Variants in CUZD1 observed in about 807,000 individuals in gnomAD.
CUZD1 encodes CUB and zona pellucida-like domain-containing protein 1.
CUZD1 carries 42 observed loss-of-function variants against 53.1 expected under a neutral mutation model. The observed-to-expected ratio is 0.79, with a 90% CI of 0.62 to 1.02. The LOEUF is 1.02. CUZD1 is among the 50% of genes least tolerant of loss of function. The pLI is 0.00. For synonymous variants in CUZD1, 238 were observed against 257.2 expected (o/e 0.93, Z 0.71); for missense variants, 670 against 715.7 (o/e 0.94, Z 0.73).
chr10:122,836,217 T>C lies in CUZD1; in HGVS notation c.951A>G (p.Glu317=), dbSNP rs1847247825. The C allele has an allele frequency of 6.2e-7, 1 of 1,610,712 alleles. No individual in the cohort carries two copies. Among genetic ancestry groups the C allele is most frequent in the African/African-American group, 1.3e-5 (1 of 74,634 alleles). Residue 317 remains glutamate, a synonymous_variant, in exon 6 of 9, where the codon GAA becomes GAG. Transcript: ENST00000392790. ...TCRPKLSNVV[E]FSVPLNGCGT... ...CACATCCATTAAGAGGGACAGAAAA[T>C]TCCACAACATTTGATAATTTTGGTC...
In CUZD1 at chr10:122,836,884, T is replaced by C; in HGVS notation, c.764A>G (p.Tyr255Cys). The C allele has an allele frequency of 6.2e-7, 1 of 1,614,126 alleles. No individual in the cohort carries two copies. The highest frequency in any genetic ancestry group is 8.5e-7 in the Non-Finnish European group (1 of 1,179,988). ...VVLSTDYANSYRGFSASYTSI... is the reference protein window; with the variant it reads ...VVLSTDYANSCRGFSASYTSI... ...GGTGTAGGAAGCAGAAAATCCCCGG[T>C]AAGAATTGGCATAATCTGTAGACAA... Residue 255 changes from tyrosine (Y) to cysteine (C), a missense_variant, in exon 5 of 9, where the codon TAC becomes TGC. By Grantham distance (194) the Tyr-to-Cys change is radical. Transcript: ENST00000392790.
At chr10:122,845,695 T>C (rs1847427176) in intron 1 of CUZD1, 67 bp downstream of exon 1, 1 of 1,406,232 alleles carries the variant, frequency 7.1e-7, no homozygotes, top group Admixed American at 1.9e-5. Flanking sequence ...TTGAAAAATT[T>C]TGAAAGAGGC....
chr10:122,838,953 C>G lies in CUZD1; in HGVS notation c.448+64G>C. 8.0e-6 allele frequency: 10 copies of G among 1,251,048 alleles called. No homozygotes were observed. The South Asian group carries it at 1.1e-4, about 14-fold the overall frequency. 77.5% of individuals were successfully genotyped at this position (1,251,048 alleles called of 1,614,324 possible). A position where few individuals can be genotyped will look rare whatever the true frequency, so the allele number is the denominator to read the frequency against. Reference sequence around the variant, plus strand: ...AGACTGAAGATTATAAGAACCCGGACAGAAGAGTGTGTAACCTGTGCTTGT... The same window carrying G: ...AGACTGAAGATTATAAGAACCCGGAGAGAAGAGTGTGTAACCTGTGCTTGT... On this transcript the variant is annotated intron_variant, in intron 3 of 8. Coordinates refer to ENST00000392790, the MANE Select transcript of CUZD1 (RefSeq NM_022034.6).
At position 122,839,235 on chromosome 10, in the gene CUZD1, T is replaced by C. The variant is rs1355766983; in HGVS notation, c.234-4A>G. The C allele has an allele frequency of 2.5e-6, 4 of 1,613,254 alleles. 1 individual carries two copies. The highest frequency in any genetic ancestry group is 3.3e-5 in the Admixed American group (2 of 59,912). ...ACAGCTTCCATCTGGATCAAGCCTG[T>C]GGAAAAAACACAACTGTGGCTGAAG... On this transcript the variant is annotated splice_polypyrimidine_tract_variant and splice_region_variant and intron_variant, in intron 2 of 8. Transcript: ENST00000392790.
intron 1 of CUZD1, among the ~76,000 whole-genome samples, chr10:122,843,810 CATATATATAT>C (rs61634361): frequency 1.5e-5 from 2 of 137,366 alleles, no homozygotes; most frequent in African/African-American, 5.5e-5. Context: ...TATATACATA[CATATATATAT>C]ATATATATAT....
rs774825539 is a variant in CUZD1, at chr10:122,839,075, G to A, written c.390C>T (p.Asp130=). ...AGACAGTTCTTTGAATTCTTGCTGAGTCAGTAACTATTTGAAACGTCAATG... is the reference window on the plus strand; with the variant it reads ...AGACAGTTCTTTGAATTCTTGCTGAATCAGTAACTATTTGAAACGTCAATG... The part of the protein sequence containing the change: ...SSTLTFQIVT[D]SARIQRTVFV... Residue 130 remains aspartate, a synonymous_variant, in exon 3 of 9, where the codon GAC becomes GAT. Transcript: ENST00000392790. 6.2e-7 allele frequency: 1 copy of A among 1,614,128 alleles called. No homozygotes were observed. The highest frequency in any genetic ancestry group is 1.1e-5 in the South Asian group (1 of 91,084).
intron 6 of CUZD1, 85 bp from the exon 7 acceptor site, chr10:122,835,182 A>C: frequency 9.2e-7 from 1 of 1,091,326 alleles, no homozygotes; most frequent in Non-Finnish European, 1.3e-6. Flanking sequence ...TTGCAGGTAC[A>C]GACATAATTT....
rs867748457 is a variant in CUZD1, at chr10:122,837,000, A to C, written c.648T>G (p.Asp216Glu). Residue 216 changes from aspartate to glutamate, a missense_variant, in exon 5 of 9, where the codon GAT (aspartate) becomes GAG (glutamate). Coordinates refer to ENST00000392790, the MANE Select transcript of CUZD1 (RefSeq NM_022034.6). ...QCKFDFLAIY[D>E]GPSTNSGLIG... ...TCAGGCCAGAGTTGGTGGAGGGGCC[A>C]TCATAGATGGCAAGAAAATCAAATT... is the stretch of plus-strand genomic sequence containing the variant. 16 of 1,613,800 alleles carry C rather than the reference A, an allele frequency of 9.9e-6. No individual in the cohort carries two copies. Among genetic ancestry groups the C allele is most frequent in the Non-Finnish European group, 1.4e-5 (16 of 1,179,840 alleles).
At position 122,833,986 on chromosome 10, in the gene CUZD1, A is replaced by G. The variant is rs753348926; in HGVS notation, c.1383-46T>C. On this transcript the variant is annotated intron_variant, in intron 7 of 8. Coordinates refer to ENST00000392790, the MANE Select transcript of CUZD1 (RefSeq NM_022034.6). ...ATGTTTAGAAGATACAGACAAATTC[A>G]GTCTTTTCCATACTAAAAAGTTTTC... is the stretch of plus-strand genomic sequence containing the variant. 4 of 1,555,744 alleles carry G rather than the reference A, an allele frequency of 2.6e-6. No individual in the cohort carries two copies. In the African/African-American group the frequency reaches 5.5e-5, roughly 21 times the overall value.
intron 8 of CUZD1, 93 bp from the exon 9 acceptor site, chr10:122,832,543 A>G (rs1847176626): frequency 9.9e-7 from 1 of 1,006,830 alleles, no homozygotes; most frequent in African/African-American, 1.6e-5. Flanking sequence ...ATATCCTATG[A>G]ATCTTATATA....
intron 6 of CUZD1, 66 bp from the exon 7 acceptor site, chr10:122,835,163 G>A: frequency 1.6e-6 from 2 of 1,275,456 alleles, no homozygotes; most frequent in Non-Finnish European, 2.1e-6. Context: ...GCATAGATGT[G>A]GATAACATTT....
Position 122,832,348 on chromosome 10 carries a change from G to T in CUZD1, c.1754C>A (p.Ala585Glu). ...TACAAAATGCCTCACTGTGATTGTCGCTACAGTCACCACATTCAGAGCTAG... is the reference window on the plus strand; with the variant it reads ...TACAAAATGCCTCACTGTGATTGTCTCTACAGTCACCACATTCAGAGCTAG... Reference protein sequence around the residue: ...MVLALNVVTVATITVRHFVNQ... With the variant: ...MVLALNVVTVETITVRHFVNQ... The change falls in exon 9 of 9, where the codon GCG (alanine) becomes GAG (glutamate). Residue 585 changes from alanine (A) to glutamate (E), a missense_variant. Transcript: ENST00000392790. 6.2e-7 allele frequency: 1 copy of T among 1,614,072 alleles called. No homozygotes were observed. Among genetic ancestry groups the T allele is most frequent in the Non-Finnish European group, 8.5e-7 (1 of 1,179,976 alleles).
rs533435707 is a variant in CUZD1 at position 122,833,551 on chromosome 10, C to G, written c.1651+121G>C. On this transcript the variant is annotated intron_variant, in intron 8 of 8. Transcript: ENST00000392790. ...CTAATCCTATATACTTAAAATTCAACTTATTTGCTAAAGCTACTATTATAA... is the reference window on the plus strand; with the variant it reads ...CTAATCCTATATACTTAAAATTCAAGTTATTTGCTAAAGCTACTATTATAA... The G allele has an allele frequency of 9.6e-5, 103 of 1,070,104 alleles. 3 individuals carry two copies. The South Asian group carries it at 1.5e-3, about 16-fold the overall frequency. 66.3% of individuals were successfully genotyped at this position (1,070,104 alleles called of 1,614,324 possible). A position where few individuals can be genotyped will look rare whatever the true frequency, so the allele number is the denominator to read the frequency against.
intron 1 of CUZD1, among the ~76,000 whole-genome samples, chr10:122,844,235 T>C (rs978554694): frequency 2.6e-5 from 4 of 151,970 alleles, no homozygotes; most frequent in African/African-American, 9.7e-5. Flanking sequence ...GAGGTCTCAC[T>C]ACGTCGTTCA....
chr10:122,837,174 T>C, intron 4 of CUZD1, 126 bp from the exon 5 acceptor site: 2 of 883,416 alleles, frequency 2.3e-6, no homozygotes, highest in Non-Finnish European at 3.4e-6. Context: ...ATCTCAGGTT[T>C]ACGAAGACAA....
intron 8 of CUZD1, among the ~76,000 whole-genome samples, chr10:122,832,913 A>G (rs1660563228): frequency 6.6e-6 from 1 of 152,200 alleles, no homozygotes. Flanking sequence ...CTATAGATAC[A>G]CTATGTAAGC....
chr10:122,837,644 T>C, intron 3 of CUZD1, 90 bp from the exon 4 acceptor site: 1 of 1,228,290 alleles, frequency 8.1e-7, no homozygotes, highest in African/African-American at 1.6e-5. Flanking sequence ...AACACATCTC[T>C]CCTGAGTATG....
chr10:122,845,093 A>G (rs1300900216), intron 1 of CUZD1, among the ~76,000 whole-genome samples: 1 of 88,532 alleles, frequency 1.1e-5, no homozygotes, highest in South Asian at 3.7e-4. Context: ...TTTTTTTTTT[A>G]TGAGACGGAG....
chr10:122,837,407 A>G lies in CUZD1; in HGVS notation c.596T>C (p.Ile199Thr), dbSNP rs1362629613. 6.2e-7 allele frequency: 1 copy of G among 1,613,988 alleles called. No individual in the cohort carries two copies. Among genetic ancestry groups the G allele is most frequent in the African/African-American group, 1.3e-5 (1 of 75,012 alleles). The change falls in exon 4 of 9, where the codon ATT (isoleucine) becomes ACT (threonine). Residue 199 changes from isoleucine to threonine, a missense_variant. Ile to Thr is a moderately conservative substitution (Grantham distance 89). Transcript: ENST00000392790. ...AGAATTGGGCAGCAGTACTTACAAA[A>G]TCTCTTTGAAGTTTAGTTTTATCTT... is the stretch of plus-strand genomic sequence containing the variant. Reference protein sequence around the residue: ...DYKIKLNFKEIFLEIDKQCKF... With the variant: ...DYKIKLNFKETFLEIDKQCKF...
Sources: allele counts gnomAD v4.1 joint callset (sites outside exome capture counted in the v4.1 genomes callset), GRCh38; gene constraint gnomAD v4.1.1; transcripts MANE v1.5; gene names NCBI Gene and HGNC (gene_info 2026-07-23, HGNC 2026-07-21).